PDCD1LG2: variants seen among roughly 807,000 people sequenced by gnomAD.
PDCD1LG2 encodes B7 dendritic cell molecule.
A neutral mutation model predicts 28.2 loss-of-function variants in PDCD1LG2; 32 were observed. That is an observed-to-expected ratio of 1.13 (90% CI 0.86 to 1.52). The LOEUF (loss-of-function observed/expected upper bound fraction) is 1.52. Ranked by LOEUF, PDCD1LG2 falls within the 40% of genes most tolerant of loss-of-function variation. PDCD1LG2 has a pLI of 0.00. For synonymous variants in PDCD1LG2, 116 were observed against 120.2 expected (o/e 0.97, Z 0.23); for missense variants, 385 against 323.8 (o/e 1.19, Z -1.45).
rs1816751841 is a variant in PDCD1LG2, at chr9:5,570,586, G to A, written c.*627G>A. The A allele has an allele frequency of 2.1e-5, 5 of 232,602 alleles. No homozygotes were observed. The Admixed American group carries it at 2.8e-4, about 13-fold the overall frequency. The allele number at this position is 232,602 out of a possible 1,614,324, so 14.4% of individuals were successfully genotyped here. On this transcript the variant is annotated 3_prime_UTR_variant, in exon 7 of 7. Coordinates refer to ENST00000397747, the MANE Select transcript of PDCD1LG2 (RefSeq NM_025239.4). ...AGTAAAGTCATCAAGCTCTGTTTTT[G>A]AGGTCTAAGTCACAAAGCATTTGTT... is the stretch of plus-strand genomic sequence containing the variant.
At chr9:5,513,493 G>A (rs1212376527) in intron 1 of PDCD1LG2, among the ~76,000 whole-genome samples, 1 of 152,176 alleles carries the variant, frequency 6.6e-6, no homozygotes, top group Admixed American at 6.5e-5. Flanking sequence ...AAGGGCAAGG[G>A]CCCTTTCTTA....
chr9:5,518,954 G>T (rs1820220844), intron 1 of PDCD1LG2, among the ~76,000 whole-genome samples: 2 of 152,074 alleles, frequency 1.3e-5, no homozygotes, highest in African/African-American at 2.4e-5. Flanking sequence ...TATTATTTAG[G>T]TATGGTGAGG....
chr9:5,512,672 C>T (rs1340510303), intron 1 of PDCD1LG2, among the ~76,000 whole-genome samples: 2 of 152,140 alleles, frequency 1.3e-5, no homozygotes, highest in Non-Finnish European at 2.9e-5. Flanking sequence ...AAATAACTTC[C>T]TTATCTTTAG....
At chr9:5,558,174 C>T (rs1349699112) in intron 5 of PDCD1LG2, among the ~76,000 whole-genome samples, 1 of 152,178 alleles carries the variant, frequency 6.6e-6, no homozygotes. Flanking sequence ...GTTAAACCCA[C>T]CCCCTCTCCC....
chr9:5,566,007 G>A (rs935828931), intron 6 of PDCD1LG2, among the ~76,000 whole-genome samples: 2 of 152,046 alleles, frequency 1.3e-5, no homozygotes, highest in African/African-American at 4.8e-5. Context: ...TATTGCTCAG[G>A]CCCAGACAGC....
At chr9:5,514,571 C>T (rs775362815) in intron 1 of PDCD1LG2, among the ~76,000 whole-genome samples, 1 of 152,006 alleles carries the variant, frequency 6.6e-6, no homozygotes, top group Non-Finnish European at 1.5e-5. Flanking sequence ...ATTGATACTT[C>T]TTATGTAGAA....
At chr9:5,522,649 G>T (rs1188388923) in intron 2 of PDCD1LG2, 48 bp downstream of exon 2, 29 of 1,580,304 alleles carry the variant, frequency 1.8e-5, no homozygotes, top group Non-Finnish European at 2.3e-5. Context: ...GCAGGTGGTG[G>T]TTCCTAGCCA....
At chr9:5,541,283 T>C (rs958375890) in intron 3 of PDCD1LG2, among the ~76,000 whole-genome samples, 13 of 152,160 alleles carry the variant, frequency 8.5e-5, no homozygotes, top group African/African-American at 2.7e-4. Context: ...GTTGAAAGCA[T>C]TTTCCCTGAG....
intron 1 of PDCD1LG2, among the ~76,000 whole-genome samples, chr9:5,515,960 A>AAAG (rs1820153898): frequency 6.6e-6 from 1 of 150,664 alleles, no homozygotes; most frequent in Non-Finnish European, 1.5e-5. Context: ...GAAAAGAAAG[A>AAAG]AAGAAAGAGG....
Position 5,516,349 on chromosome 9 carries a change from C to G in PDCD1LG2, c.-15+5546C>G, listed in dbSNP as rs181741549. ...ACAGGCATGAGCCACTGAGCCCGGT[C>G]GAGTCCAGGGTTTTTACAGGCTCAG... On this transcript the variant is annotated intron_variant, in intron 1 of 6. Transcript: ENST00000397747. 3.2e-4 allele frequency among the ~76,000 whole-genome samples: 49 copies of G among 152,224 alleles called. No homozygotes were observed. In the South Asian group the frequency reaches 9.5e-3, roughly 30 times the overall value.
rs1170700321 is a variant in PDCD1LG2 at position 5,569,585 on chromosome 9, T to C, written c.817-369T>C. Among the ~76,000 whole-genome samples, 1 of 152,160 alleles carries C rather than the reference T, an allele frequency of 6.6e-6. No homozygotes were observed. Among genetic ancestry groups the C allele is most frequent in the East Asian group, 1.9e-4 (1 of 5,198 alleles). The stretch of plus-strand genomic sequence containing the variant: ...CAATGTCATCATCCTGGAGCATGAA[T>C]AGAGTGCAGCAGGGTGAATAATGAG... On this transcript the variant is annotated intron_variant, in intron 6 of 6. Coordinates refer to ENST00000397747, the MANE Select transcript of PDCD1LG2 (RefSeq NM_025239.4). The surrounding 1 kb of genome is among the most constrained non-coding windows in gnomAD (Gnocchi z 4.1).
chr9:5,557,073 T>A (rs1816456962), intron 4 of PDCD1LG2, among the ~76,000 whole-genome samples: 2 of 152,200 alleles, frequency 1.3e-5, no homozygotes, highest in African/African-American at 4.8e-5. Flanking sequence ...TCCAAAAGGA[T>A]CCTGTTAATC....
At chr9:5,556,658 G>T (rs1447805611) in intron 4 of PDCD1LG2, among the ~76,000 whole-genome samples, 1 of 152,200 alleles carries the variant, frequency 6.6e-6, no homozygotes, top group Non-Finnish European at 1.5e-5. Context: ...CTGGGAAGTT[G>T]GGAGGACTGA....
In PDCD1LG2 at chr9:5,557,739, G is replaced by A. The variant is rs368170363; in HGVS notation, c.753G>A (p.Leu251=). ...IALRKQLCQK[L]YSSKDTTKRP... is the part of the protein sequence containing the mutation. ...TAAGAAAACAACTCTGTCAAAAGCT[G>A]TATTCTTCAAAAGGTAAGTGAGTTT... is the stretch of plus-strand genomic sequence containing the variant. Residue 251 remains leucine (L), a synonymous_variant, in exon 5 of 7, where the codon CTG becomes CTA. Transcript: ENST00000397747. The A allele has an allele frequency of 3.1e-5, 50 of 1,613,788 alleles. No homozygotes were observed. Among genetic ancestry groups the A allele is most frequent in the Non-Finnish European group, 4.2e-5 (49 of 1,179,836 alleles).
intron 1 of PDCD1LG2, among the ~76,000 whole-genome samples, chr9:5,511,793 G>A (rs1006754625): frequency 6.6e-6 from 1 of 152,146 alleles, no homozygotes; most frequent in Non-Finnish European, 1.5e-5. Flanking sequence ...GCTCTTTGTT[G>A]TCTGCTGCTT....
chr9:5,546,600 G>A (rs540906049), intron 3 of PDCD1LG2, among the ~76,000 whole-genome samples: 1 of 152,078 alleles, frequency 6.6e-6, no homozygotes, highest in Admixed American at 6.5e-5. Context: ...TACTACTGCT[G>A]GGTGCTCCTA....
chr9:5,557,853 CCCACTCAGAGCTTATGAA>C (rs1816478086), intron 5 of PDCD1LG2, 101 bp downstream of exon 5: 1 of 1,421,476 alleles, frequency 7.0e-7, no homozygotes, highest in Non-Finnish European at 9.8e-7. Context: ...TCATGCTAAA[CCCACTCAGAGCTTATGAA>C]CCACTTTGAG....
At chr9:5,566,907 A>G (rs1292477155) in intron 6 of PDCD1LG2, among the ~76,000 whole-genome samples, 4 of 152,312 alleles carry the variant, frequency 2.6e-5, no homozygotes, top group African/African-American at 9.6e-5. Context: ...TAGACTCACC[A>G]TATTCCCTTC....
At chr9:5,560,111 ACC>A (rs1168652444) in intron 5 of PDCD1LG2, among the ~76,000 whole-genome samples, 1 of 152,166 alleles carries the variant, frequency 6.6e-6, no homozygotes, top group East Asian at 1.9e-4. Context: ...TTTCCATAGC[ACC>A]TACTTCTTCT....
Sources: allele counts gnomAD v4.1 joint callset (sites outside exome capture counted in the v4.1 genomes callset), GRCh38; gene constraint gnomAD v4.1.1; non-coding constraint Gnocchi (gnomAD v3.1); transcripts MANE v1.5; gene names NCBI Gene and HGNC (gene_info 2026-07-23, HGNC 2026-07-21).